The following PTPRS variants were observed in gnomAD, a reference collection of about 807,000 sequenced individuals.
PTPRS encodes the protein protein tyrosine phosphatase receptor type S.
In PTPRS, 63 loss-of-function variants were observed where a neutral mutation model predicts 215.3. The ratio of observed to expected loss-of-function variants is 0.29; its 90% CI spans 0.24 to 0.36. The LOEUF is 0.36. PTPRS is among the 10% of genes least tolerant of loss of function. PTPRS has a pLI of 1.00. For synonymous variants in PTPRS, 1,404 were observed against 1,191.4 expected, an observed-to-expected ratio of 1.18 and a Z score of -3.68; for missense variants, 2,258 against 2,825.8, an observed-to-expected ratio of 0.80 and a Z score of 4.56.
rs1009118527 is a variant in PTPRS at position 5,339,052 on chromosome 19, G to T, written c.-95+1612C>A. On this transcript the variant is annotated intron_variant, in intron 1 of 37. Coordinates refer to ENST00000262963, the MANE Select transcript of PTPRS (RefSeq NM_002850.4). This position sits in a 1 kb window ranked among gnomAD's most constrained non-coding sequence, Gnocchi z 4.2. ...TCTTCCTGCCTCCTCCGGCTTCTAGGTATCATCCCTGCTGCTCAGCCGGGA... is the reference window on the plus strand; with the variant it reads ...TCTTCCTGCCTCCTCCGGCTTCTAGTTATCATCCCTGCTGCTCAGCCGGGA... Among the ~76,000 whole-genome samples, 1 of 152,178 alleles carries T rather than the reference G, an allele frequency of 6.6e-6. No homozygotes were observed. Among genetic ancestry groups the T allele is most frequent in the African/African-American group, 2.4e-5 (1 of 41,438 alleles).
intron 1 of PTPRS, among the ~76,000 whole-genome samples, chr19:5,327,223 C>T (rs908376754): frequency 2.0e-5 from 3 of 152,214 alleles, no homozygotes; most frequent in Admixed American, 2.0e-4. Flanking sequence ...GACTCCCCAG[C>T]GCCCCCAAGC....
rs557484245 is a variant in PTPRS, at chr19:5,335,787, A to T, written c.-95+4877T>A. 1.1e-4 allele frequency among the ~76,000 whole-genome samples: 16 copies of T among 152,262 alleles called. 1 individual carries two copies. The South Asian group carries it at 3.3e-3, about 32-fold the overall frequency. ...AAATCCAGGCTCTGAACCCCCAACC[A>T]GGGTGGGATCCGCGGGAATCAGAAG... On this transcript the variant is annotated intron_variant, in intron 1 of 37. Coordinates refer to ENST00000262963, the MANE Select transcript of PTPRS (RefSeq NM_002850.4).
chr19:5,219,019 A>C (rs2041743269), intron 23 of PTPRS: 1 of 631,436 alleles, frequency 1.6e-6, no homozygotes, highest in Admixed American at 3.0e-5. Flanking sequence ...CCATGGGGCC[A>C]CTACAATTGC....
chr19:5,313,999 T>C (rs2049793914), intron 1 of PTPRS, among the ~76,000 whole-genome samples: 1 of 151,746 alleles, frequency 6.6e-6, no homozygotes, highest in African/African-American at 2.4e-5. Context: ...TAGCCAGGCA[T>C]GGTGGCGTGT....
intron 1 of PTPRS, among the ~76,000 whole-genome samples, chr19:5,320,035 A>C (rs1166805758): frequency 6.6e-6 from 1 of 152,186 alleles, no homozygotes; most frequent in East Asian, 1.9e-4. Context: ...GAGGCATCTG[A>C]GAAATCCCCC....
chr19:5,258,161 GA>G (rs776359354), intron 7 of PTPRS, 34 bp from the exon 8 acceptor site: 38 of 1,569,720 alleles, frequency 2.4e-5, no homozygotes, highest in Non-Finnish European at 3.3e-5. Flanking sequence ...TGGTCTGTTA[GA>G]GGGGGGCCCA....
At chr19:5,263,295 CG>C (rs1165250379) in intron 5 of PTPRS, among the ~76,000 whole-genome samples, 8 of 152,034 alleles carry the variant, frequency 5.3e-5, no homozygotes, top group African/African-American at 1.9e-4. Flanking sequence ...AGATAGGAGG[CG>C]ATTTGTCCCC....
intron 1 of PTPRS, among the ~76,000 whole-genome samples, chr19:5,317,428 T>C (rs2049907705): frequency 1.3e-5 from 2 of 152,108 alleles, no homozygotes; most frequent in Non-Finnish European, 2.9e-5. Context: ...GTCGAGATTG[T>C]GCCACTGCAC....
rs781559284 is a variant in PTPRS, at chr19:5,222,897, G to A, written c.2895C>T (p.Tyr965=). ...CACCGGCCTCCCGCACGGCCACCGT[G>A]TATTTGACGATGGCCCCGTTGCGCT... ...PAERNGAIVK[Y]TVAVREAGAL... The change falls in exon 18 of 38, where the codon TAC becomes TAT. Residue 965 remains tyrosine (Y), a synonymous_variant. Coordinates refer to ENST00000262963, the MANE Select transcript of PTPRS (RefSeq NM_002850.4). 6 of 1,574,290 alleles carry A rather than the reference G, an allele frequency of 3.8e-6. No homozygotes were observed. Among genetic ancestry groups the A allele is most frequent in the East Asian group, 2.3e-5 (1 of 43,224 alleles).
At chr19:5,223,906 G>A (rs2042241430) in intron 17 of PTPRS, among the ~76,000 whole-genome samples, 1 of 151,822 alleles carries the variant, frequency 6.6e-6, no homozygotes, top group Non-Finnish European at 1.5e-5. Flanking sequence ...TGGGTGTGGT[G>A]GCTCACATCT....
intron 9 of PTPRS, among the ~76,000 whole-genome samples, chr19:5,246,437 C>G (rs923791497): frequency 1.3e-5 from 2 of 152,192 alleles, no homozygotes; most frequent in Admixed American, 1.3e-4. Flanking sequence ...AGCACAGATA[C>G]GAACACAAAA....
At position 5,221,216 on chromosome 19, in the gene PTPRS, C is replaced by T. The variant is rs771119355; in HGVS notation, c.3239G>A (p.Arg1080His). The T allele has an allele frequency of 8.1e-6, 13 of 1,613,680 alleles. No homozygotes were observed. The highest frequency in any genetic ancestry group is 1.7e-4 in the Middle Eastern group (1 of 6,060). ...GTGCGTGATGAGCTTCTTGGTGGTA[C>T]GGCCATCCACATCCAGTGTGAGCCC... is the stretch of plus-strand genomic sequence containing the variant. ...YNGLTLDVDG[R>H]TTKKLITHLK... Residue 1080 changes from arginine (R) to histidine (H), a missense_variant, in exon 20 of 38, where the codon CGT (arginine) becomes CAT (histidine). Physicochemically the swap from Arg to His is conservative, Grantham distance 29. Coordinates refer to ENST00000262963, the MANE Select transcript of PTPRS (RefSeq NM_002850.4).
chr19:5,239,473 AGAGAGAGATACAGAGACAGACAGAAACAG>A (rs1444908837), intron 12 of PTPRS, among the ~76,000 whole-genome samples: 4 of 151,912 alleles, frequency 2.6e-5, no homozygotes, highest in Non-Finnish European at 4.4e-5. Flanking sequence ...AGACAGAGAC[AGAGAGAGATACAGAGACAGACAGAAACAG>A]GAGAGAGATA....
chr19:5,245,607 C>A (rs556028454), intron 10 of PTPRS, among the ~76,000 whole-genome samples, 169 bp downstream of exon 10: 3 of 152,198 alleles, frequency 2.0e-5, no homozygotes, highest in Non-Finnish European at 4.4e-5. Context: ...TCATTTATAA[C>A]CAATAAATAA....
intron 1 of PTPRS, among the ~76,000 whole-genome samples, chr19:5,326,309 G>T (rs921678321): frequency 6.6e-6 from 1 of 152,110 alleles, no homozygotes; most frequent in Non-Finnish European, 1.5e-5. Context: ...GCCTCAGGTG[G>T]GTGCTAGGAT....
intron 1 of PTPRS, among the ~76,000 whole-genome samples, chr19:5,334,508 C>T (rs1600151242): frequency 6.6e-6 from 1 of 152,296 alleles, no homozygotes; most frequent in South Asian, 2.1e-4. Context: ...GCAACTTGCC[C>T]CAGGTCACAC....
chr19:5,261,703 C>T (rs74172701), intron 6 of PTPRS, among the ~76,000 whole-genome samples: 6,906 of 152,280 alleles, frequency 0.045, 233 homozygotes, highest in Non-Finnish European at 0.071. Flanking sequence ...AACTGAGGCT[C>T]AGAGGGGAAT....
chr19:5,217,521 G>C (rs2041590403), intron 25 of PTPRS, among the ~76,000 whole-genome samples: 1 of 150,192 alleles, frequency 6.7e-6, no homozygotes, highest in African/African-American at 2.4e-5. Context: ...AAACAGAAGT[G>C]ACACAAGCCA....
In PTPRS at chr19:5,237,446, G is replaced by A. The variant is rs1462382122; in HGVS notation, c.1849+1473C>T. 6.6e-6 allele frequency among the ~76,000 whole-genome samples: 1 copy of A among 152,252 alleles called. No individual in the cohort carries two copies. Among genetic ancestry groups the A allele is most frequent in the African/African-American group, 2.4e-5 (1 of 41,466 alleles). On this transcript the variant is annotated intron_variant, in intron 13 of 37. Coordinates refer to ENST00000262963, the MANE Select transcript of PTPRS (RefSeq NM_002850.4). This position sits in a 1 kb window ranked among gnomAD's most constrained non-coding sequence, Gnocchi z 4.2. ...TGGCTGGGCCGAAGCCGCTTTCTAG[G>A]TGACCGTGTAGGTCACGTCCTTCAC...
Sources: allele counts gnomAD v4.1 joint callset (sites outside exome capture counted in the v4.1 genomes callset), GRCh38; gene constraint gnomAD v4.1.1; non-coding constraint Gnocchi (gnomAD v3.1); transcripts MANE v1.5; gene names NCBI Gene and HGNC (gene_info 2026-07-23, HGNC 2026-07-21).